Variants in NELL1 observed in about 807,000 individuals in gnomAD.
NELL1 encodes the protein protein kinase C-binding protein NELL1.
NELL1 carries 76 observed loss-of-function variants against 107.4 expected under a neutral mutation model. The ratio of observed to expected loss-of-function variants is 0.71; its 90% CI spans 0.59 to 0.86. The LOEUF (loss-of-function observed/expected upper bound fraction) is 0.86, where lower values mean the gene tolerates loss of function less well. NELL1 is among the 40% of genes least tolerant of loss of function. The pLI is 0.00. For synonymous variants in NELL1, 353 were observed against 341.2 expected, an observed-to-expected ratio of 1.03 and a Z score of -0.38; for missense variants, 1,024 against 1,005.5, an observed-to-expected ratio of 1.02 and a Z score of -0.25.
At chr11:20,902,839 G>A (rs1027902377) in intron 5 of NELL1, among the ~76,000 whole-genome samples, 1 of 151,926 alleles carries the variant, frequency 6.6e-6, no homozygotes, top group Admixed American at 6.6e-5. Flanking sequence ...GAAAAAGCTA[G>A]CAGAAGGATA....
At chr11:21,281,131 G>T (rs1356110468) in intron 14 of NELL1, among the ~76,000 whole-genome samples, 2 of 151,654 alleles carry the variant, frequency 1.3e-5, no homozygotes, top group South Asian at 4.2e-4. Flanking sequence ...AGTAGGATAG[G>T]CACCAGTCAC....
intron 13 of NELL1, among the ~76,000 whole-genome samples, chr11:21,190,304 A>T (rs926192357): frequency 6.6e-6 from 1 of 151,826 alleles, no homozygotes; most frequent in African/African-American, 2.4e-5. Context: ...GTGAGCAGAG[A>T]TCGCACCACT....
At chr11:21,372,634 T>C (rs1187625726) in intron 15 of NELL1, among the ~76,000 whole-genome samples, 1 of 151,966 alleles carries the variant, frequency 6.6e-6, no homozygotes, top group Admixed American at 6.6e-5. Flanking sequence ...TAGATGGATT[T>C]TTTATTAAAA....
chr11:20,804,610 T>C (rs1301069085), intron 3 of NELL1, among the ~76,000 whole-genome samples: 1 of 152,232 alleles, frequency 6.6e-6, no homozygotes, highest in Non-Finnish European at 1.5e-5. Context: ...CTCTTGTTAC[T>C]GATTTCTAAT....
chr11:21,086,771 C>T (rs940892212), intron 12 of NELL1, among the ~76,000 whole-genome samples: 1 of 151,404 alleles, frequency 6.6e-6, no homozygotes, highest in African/African-American at 2.4e-5. Flanking sequence ...ATAGAAAAAA[C>T]CTTGAATAGA....
chr11:21,522,433 C>T (rs905928971), intron 15 of NELL1, among the ~76,000 whole-genome samples: 2 of 152,082 alleles, frequency 1.3e-5, no homozygotes, highest in African/African-American at 2.4e-5. Flanking sequence ...AAACTGGAGG[C>T]CATTGTCCTA....
intron 13 of NELL1, among the ~76,000 whole-genome samples, chr11:21,191,212 T>C (rs1857042107): frequency 6.6e-6 from 1 of 151,800 alleles, no homozygotes; most frequent in Admixed American, 6.6e-5. Flanking sequence ...GATAGTTATA[T>C]TGTCCTGGAT....
intron 5 of NELL1, among the ~76,000 whole-genome samples, chr11:20,894,598 A>C (rs1849685789): frequency 6.6e-6 from 1 of 152,238 alleles, no homozygotes. Flanking sequence ...GAATGGGTCA[A>C]ATTAAAAACA....
intron 1 of NELL1, among the ~76,000 whole-genome samples, chr11:20,673,677 C>T (rs1241926867): frequency 6.6e-6 from 1 of 152,180 alleles, no homozygotes; most frequent in African/African-American, 2.4e-5. Flanking sequence ...ATGCTGCCTT[C>T]CAGGTTTTTA....
chr11:20,732,885 GCCAGGTACCATT>G (rs1403944326), intron 2 of NELL1, among the ~76,000 whole-genome samples: 2 of 152,126 alleles, frequency 1.3e-5, no homozygotes, highest in East Asian at 1.9e-4. Flanking sequence ...TTATTGAAAT[GCCAGGTACCATT>G]CCAGGTTCTG....
chr11:20,673,009 T>G (rs1853958574), intron 1 of NELL1, among the ~76,000 whole-genome samples: 1 of 127,768 alleles, frequency 7.8e-6, no homozygotes, highest in South Asian at 2.5e-4. Flanking sequence ...ATTACAGGCA[T>G]GCACCACCAC....
chr11:20,706,139 C>T (rs906310751), intron 2 of NELL1, among the ~76,000 whole-genome samples: 5 of 152,142 alleles, frequency 3.3e-5, no homozygotes, highest in South Asian at 2.1e-4. Context: ...CTAGAAATAC[C>T]GTTTGACCCA....
chr11:20,687,597 T>C (rs1430533531), intron 2 of NELL1, among the ~76,000 whole-genome samples: 5 of 88,266 alleles, frequency 5.7e-5, no homozygotes, highest in Non-Finnish European at 1.2e-4. Flanking sequence ...CTAAACTAAA[T>C]TTTTTTTTTT....
rs771378438 is a variant in NELL1 at position 21,148,966 on chromosome 11, T to G, written c.1426+35252T>G. Reference sequence around the variant, plus strand: ...TTTATCTATTGGGTTTTGCTAGGGTTTTTTCTTCCCTACTCTGTCTCTTTC... The same window carrying G: ...TTTATCTATTGGGTTTTGCTAGGGTGTTTTCTTCCCTACTCTGTCTCTTTC... On this transcript the variant is annotated intron_variant, in intron 13 of 19. Coordinates refer to ENST00000357134, the MANE Select transcript of NELL1 (RefSeq NM_006157.5). 3.3e-4 allele frequency among the ~76,000 whole-genome samples: 50 copies of G among 152,140 alleles called. 2 individuals are homozygous for G. The highest frequency in any genetic ancestry group is 1.2e-3 in the South Asian group (6 of 4,830).
chr11:20,992,078 A>C (rs564954974), intron 12 of NELL1, among the ~76,000 whole-genome samples: 3 of 151,788 alleles, frequency 2.0e-5, no homozygotes, highest in Non-Finnish European at 4.4e-5. Flanking sequence ...ATGCAAGGTT[A>C]TTAATTCAGA....
At chr11:21,083,073 T>A (rs1854306709) in intron 12 of NELL1, among the ~76,000 whole-genome samples, 1 of 152,154 alleles carries the variant, frequency 6.6e-6, no homozygotes, top group African/African-American at 2.4e-5. Context: ...TCCAGGCTAG[T>A]CAGCAAGAGT....
intron 12 of NELL1, among the ~76,000 whole-genome samples, chr11:20,989,125 G>A (rs376079875): frequency 2.0e-5 from 3 of 152,122 alleles, no homozygotes; most frequent in African/African-American, 7.2e-5. Flanking sequence ...GGCAGAGTTG[G>A]GTACAAATCC....
intron 16 of NELL1, among the ~76,000 whole-genome samples, chr11:21,545,702 A>G (rs750509267): frequency 1.3e-5 from 2 of 151,934 alleles, no homozygotes; most frequent in Non-Finnish European, 1.5e-5. Context: ...GTCTCAACTG[A>G]GTGAAAACAG....
At chr11:21,446,680 T>C (rs1254626202) in intron 15 of NELL1, among the ~76,000 whole-genome samples, 1 of 152,184 alleles carries the variant, frequency 6.6e-6, no homozygotes, top group African/African-American at 2.4e-5. Context: ...GGAGCTGAGT[T>C]AGGGGTAGCC....
Sources: gnomAD v4.1 joint callset for allele counts (sites outside exome capture counted in the v4.1 genomes callset) on GRCh38, gnomAD v4.1.1 for gene constraint, MANE v1.5 for transcripts, NCBI Gene and HGNC (gene_info 2026-07-23, HGNC 2026-07-21) for gene names.